The following LRP1B variants were observed in gnomAD, a reference collection of about 807,000 sequenced individuals.
LRP1B encodes low-density lipoprotein receptor-related protein 1B.
In LRP1B, 217 loss-of-function variants were observed where a neutral mutation model predicts 556.6. The ratio of observed to expected loss-of-function variants is 0.39; its 90% CI spans 0.35 to 0.44. The LOEUF (loss-of-function observed/expected upper bound fraction) is 0.44. Among genes scored for constraint, LRP1B ranks in the 20% least tolerant of loss-of-function variants. The probability of loss-of-function intolerance (pLI) is 1.00; values close to 1 mark genes in which losing one functional copy is unlikely to be tolerated. For synonymous variants in LRP1B, 2,047 were observed against 1,865.8 expected (o/e 1.10, Z -2.50); for missense variants, 5,053 against 5,620.8 (o/e 0.90, Z 3.23).
intron 34 of LRP1B, among the ~76,000 whole-genome samples, chr2:140,769,854 A>G (rs1405067587): frequency 6.6e-6 from 1 of 151,954 alleles, no homozygotes; most frequent in African/African-American, 2.4e-5. Context: ...TTTTGAAGTT[A>G]GTCTTCATAA....
chr2:140,487,800 T>G (rs1688534971), intron 57 of LRP1B, 61 bp from the exon 58 acceptor site: 2 of 1,210,174 alleles, frequency 1.7e-6, no homozygotes, highest in Admixed American at 5.1e-5. Flanking sequence ...TAAAATGTTT[T>G]AGGAGTTTAC....
intron 41 of LRP1B, among the ~76,000 whole-genome samples, chr2:140,669,603 A>G (rs1685408371): frequency 6.6e-6 from 1 of 152,178 alleles, no homozygotes; most frequent in African/African-American, 2.4e-5. Flanking sequence ...ACCATGTGCT[A>G]GATATGCTAG....
At chr2:141,089,671 A>T (rs1470528679) in intron 7 of LRP1B, among the ~76,000 whole-genome samples, 2 of 152,184 alleles carry the variant, frequency 1.3e-5, no homozygotes, top group Non-Finnish European at 2.9e-5. Flanking sequence ...TAAAAAACAC[A>T]CCTCAGAATT....
Position 141,002,129 on chromosome 2 carries a change from C to T in LRP1B, c.2503+3206G>A, listed in dbSNP as rs550920794. Among the ~76,000 whole-genome samples the T allele has an allele frequency of 4.6e-5, 7 of 151,900 alleles. No homozygotes were observed. The South Asian group carries it at 8.3e-4, about 18-fold the overall frequency. On this transcript the variant is annotated intron_variant, in intron 15 of 90. Coordinates refer to ENST00000389484, the MANE Select transcript of LRP1B (RefSeq NM_018557.3). ...AAAATAATACCACAGAATAAAGAAA[C>T]GGAAACAATCACCTGGTGACTCAGA...
intron 34 of LRP1B, 66 bp downstream of exon 34, chr2:140,770,815 T>C (rs1267340632): frequency 7.2e-7 from 1 of 1,380,378 alleles, no homozygotes; most frequent in Non-Finnish European, 9.6e-7. Context: ...TTGCCTAACA[T>C]CTGCATGGTA....
chr2:141,041,628 A>G (rs1266053623), intron 11 of LRP1B, among the ~76,000 whole-genome samples: 1 of 152,132 alleles, frequency 6.6e-6, no homozygotes, highest in African/African-American at 2.4e-5. Flanking sequence ...ATGCATAGTT[A>G]CAGCTATATG....
At chr2:141,460,858 T>A (rs1681839803) in intron 3 of LRP1B, among the ~76,000 whole-genome samples, 1 of 152,102 alleles carries the variant, frequency 6.6e-6, no homozygotes, top group Non-Finnish European at 1.5e-5. Context: ...CTAAAAGAGC[T>A]GCCCCCAACT....
chr2:140,758,128 T>C (rs1041344842), intron 35 of LRP1B, among the ~76,000 whole-genome samples: 1 of 152,082 alleles, frequency 6.6e-6, no homozygotes, highest in Admixed American at 6.6e-5. Flanking sequence ...TCACAAATGA[T>C]AAAAATTTAC....
intron 3 of LRP1B, chr2:141,286,736 G>T (rs904748893): frequency 6.7e-6 from 3 of 444,848 alleles, no homozygotes; most frequent in Non-Finnish European, 1.4e-5. Flanking sequence ...CAATGAATTT[G>T]TACATTGAAT....
At chr2:140,824,983 C>T (rs184981792) in intron 31 of LRP1B, among the ~76,000 whole-genome samples, 212 of 152,250 alleles carry the variant, frequency 1.4e-3, no homozygotes, top group African/African-American at 4.1e-3. Flanking sequence ...AAAGCAGATA[C>T]GGTCCCTAGC....
intron 2 of LRP1B, among the ~76,000 whole-genome samples, chr2:141,645,158 T>C (rs1689507318): frequency 6.6e-6 from 1 of 152,070 alleles, no homozygotes; most frequent in Admixed American, 6.6e-5. Flanking sequence ...CTGCCCAAAT[T>C]TGCAGTAGGT....
intron 84 of LRP1B, among the ~76,000 whole-genome samples, chr2:140,295,425 T>C (rs1683560513): frequency 1.3e-5 from 2 of 152,168 alleles, no homozygotes; most frequent in South Asian, 2.1e-4. Flanking sequence ...CTCTGTACCA[T>C]CAGAGGCAAG....
intron 1 of LRP1B, among the ~76,000 whole-genome samples, chr2:141,898,698 A>G (rs908637382): frequency 1.3e-5 from 2 of 152,182 alleles, no homozygotes; most frequent in Non-Finnish European, 2.9e-5. Flanking sequence ...GGCAGGCAAC[A>G]TCATATAAAA....
chr2:142,048,369 C>CGAA (rs1208389388), intron 1 of LRP1B, among the ~76,000 whole-genome samples: 1 of 151,972 alleles, frequency 6.6e-6, no homozygotes, highest in East Asian at 1.9e-4. Context: ...GTAGGGATTC[C>CGAA]CCTCATAAGT....
intron 12 of LRP1B, among the ~76,000 whole-genome samples, 194 bp downstream of exon 12, chr2:141,019,728 T>C (rs1347685103): frequency 6.6e-6 from 1 of 152,092 alleles, no homozygotes; most frequent in Non-Finnish European, 1.5e-5. Context: ...TTCAGGTCAA[T>C]GTATTCTGAC....
intron 1 of LRP1B, among the ~76,000 whole-genome samples, chr2:142,068,383 G>C (rs1034495484): frequency 1.3e-5 from 2 of 151,474 alleles, no homozygotes; most frequent in Non-Finnish European, 3.0e-5. Flanking sequence ...GTAACAAATA[G>C]GAGGATTATT....
intron 77 of LRP1B, among the ~76,000 whole-genome samples, chr2:140,348,475 A>C (rs1268870512): frequency 6.6e-6 from 1 of 152,086 alleles, no homozygotes; most frequent in Non-Finnish European, 1.5e-5. Context: ...TCCTTAGTAG[A>C]AAATGCACTC....
chr2:141,450,566 G>A (rs1681380259), intron 3 of LRP1B, among the ~76,000 whole-genome samples: 2 of 150,792 alleles, frequency 1.3e-5, no homozygotes, highest in South Asian at 4.2e-4. Flanking sequence ...AAATAAAGAT[G>A]CCATATTTTA....
intron 5 of LRP1B, among the ~76,000 whole-genome samples, chr2:141,246,829 G>C (rs773153520): frequency 5.9e-5 from 9 of 152,122 alleles, no homozygotes; most frequent in African/African-American, 1.9e-4. Context: ...GCCAGGTATG[G>C]TGGTGTGTGC....
Sources: gnomAD v4.1 joint callset for allele counts (sites outside exome capture counted in the v4.1 genomes callset) on GRCh38, gnomAD v4.1.1 for gene constraint, MANE v1.5 for transcripts, NCBI Gene and HGNC (gene_info 2026-07-23, HGNC 2026-07-21) for gene names.